The following BLTP1 variants were observed in gnomAD, a reference collection of about 807,000 sequenced individuals.
The protein encoded by BLTP1 is bridge-like lipid transfer protein family member 1, also known as fragile site-associated protein.
At chr4:122,205,785 T>TACAC in the BLTP1 span, 28,044 of 147,312 alleles carry the variant, frequency 0.19, 2,965 homozygotes, top group Middle Eastern at 0.28. Flanking sequence ...CTCTGTCACA[T>TACAC]ACACACACAC....
chr4:122,243,774 T>G, the BLTP1 span: 1 of 1,385,246 alleles, frequency 7.2e-7, no homozygotes, highest in Non-Finnish European at 9.4e-7. Context: ...AATGAATGCA[T>G]GTGTTCACTC....
At chr4:122,204,951 C>A in the BLTP1 span, 1 of 228,922 alleles carries the variant, frequency 4.4e-6, no homozygotes, top group Non-Finnish European at 7.2e-6. Flanking sequence ...AGGTTAATAG[C>A]CACATGCCTT....
the BLTP1 span, among the ~76,000 whole-genome samples, chr4:122,338,398 G>A: frequency 6.6e-6 from 1 of 152,014 alleles, no homozygotes; most frequent in Non-Finnish European, 1.5e-5. Context: ...GCTTGAGACT[G>A]GTAGGTTCAA....
chr4:122,249,459 G>T, the BLTP1 span: 1 of 1,605,636 alleles, frequency 6.2e-7, no homozygotes, highest in South Asian at 1.1e-5. Flanking sequence ...TTTAAAAATG[G>T]TCATTTTGCT....
the BLTP1 span, chr4:122,246,240 C>G: frequency 6.2e-7 from 1 of 1,606,116 alleles, no homozygotes; most frequent in African/African-American, 1.3e-5. Flanking sequence ...ACAAATCTTA[C>G]AATGAAGCAA....
the BLTP1 span, among the ~76,000 whole-genome samples, chr4:122,332,643 T>TTTA: frequency 1.1e-4 from 16 of 147,132 alleles, no homozygotes; most frequent in South Asian, 2.1e-4. Context: ...TTTTTTTTTT[T>TTTA]ATTATACTCT....
chr4:122,351,784 G>C, the BLTP1 span, among the ~76,000 whole-genome samples: 9 of 152,122 alleles, frequency 5.9e-5, no homozygotes, highest in East Asian at 1.5e-3. Context: ...GCCTGGCCTG[G>C]ATTCTTCAAA....
chr4:122,270,134 G>A, the BLTP1 span, among the ~76,000 whole-genome samples: 1 of 151,948 alleles, frequency 6.6e-6, no homozygotes, highest in South Asian at 2.1e-4. Flanking sequence ...CTTCCTGTGA[G>A]TTTATGCATT....
chr4:122,184,608 C>T, the BLTP1 span: 1 of 763,538 alleles, frequency 1.3e-6, no homozygotes, highest in Non-Finnish European at 1.6e-6. Flanking sequence ...CCATTGCACT[C>T]CAGCCTGGGC....
At chr4:122,218,189 T>C in the BLTP1 span, among the ~76,000 whole-genome samples, 1 of 152,170 alleles carries the variant, frequency 6.6e-6, no homozygotes, top group African/African-American at 2.4e-5. Flanking sequence ...TCTTCAAGTT[T>C]TTAATGTTGA....
the BLTP1 span, chr4:122,246,779 G>C: frequency 1.2e-6 from 2 of 1,613,040 alleles, no homozygotes; most frequent in Non-Finnish European, 1.7e-6. Context: ...ATTGTGTTTT[G>C]ACAGAATTGC....
chr4:122,281,511 T>C, the BLTP1 span: 6 of 1,552,228 alleles, frequency 3.9e-6, no homozygotes, highest in South Asian at 6.3e-5. Context: ...GTTTATTTTT[T>C]AATTATTTTT....
At chr4:122,184,133 T>C in the BLTP1 span, among the ~76,000 whole-genome samples, 27 of 152,070 alleles carry the variant, frequency 1.8e-4, no homozygotes, top group African/African-American at 6.3e-4. Context: ...AGTAAATCTC[T>C]CTAAGGAACA....
chr4:122,328,289 A>G, the BLTP1 span: 2 of 1,610,994 alleles, frequency 1.2e-6, no homozygotes, highest in Non-Finnish European at 1.7e-6. Flanking sequence ...CTACCAGTGA[A>G]GATTCCGAGA....
the BLTP1 span, chr4:122,316,713 T>C: frequency 6.3e-7 from 1 of 1,598,814 alleles, no homozygotes. Flanking sequence ...TATTGACAGA[T>C]ACACTTTTGA....
chr4:122,174,792 A>G, the BLTP1 span: 1 of 693,802 alleles, frequency 1.4e-6, no homozygotes, highest in Non-Finnish European at 2.2e-6. Flanking sequence ...AGTAAATCAT[A>G]CTTGATGAAT....
At chr4:122,291,938 C>A in the BLTP1 span, 2 of 360,012 alleles carry the variant, frequency 5.6e-6, no homozygotes, top group African/African-American at 2.2e-5. Context: ...AACAAATAGG[C>A]CTTTAAGGTG....
At chr4:122,226,308 G>T in the BLTP1 span, 2 of 703,378 alleles carry the variant, frequency 2.8e-6, no homozygotes, top group Non-Finnish European at 3.5e-6. Context: ...AGCTCAATGT[G>T]ATATTTAGAT....
At chr4:122,356,153 T>C in the BLTP1 span, among the ~76,000 whole-genome samples, 1 of 152,228 alleles carries the variant, frequency 6.6e-6, no homozygotes, top group African/African-American at 2.4e-5. Context: ...TGGAAAATTA[T>C]TTAACCAACT....
Sources: allele counts gnomAD v4.1 joint callset (sites outside exome capture counted in the v4.1 genomes callset), GRCh38; gene constraint gnomAD v4.1.1; transcripts MANE v1.5; gene names NCBI Gene and HGNC (gene_info 2026-07-23, HGNC 2026-07-21).